The following MRPL21 variants were observed in gnomAD, a reference collection of about 807,000 sequenced individuals.
MRPL21 encodes mitochondrial ribosomal protein L21.
MRPL21 carries 20 observed loss-of-function variants against 27.3 expected under a neutral mutation model. That is an observed-to-expected ratio of 0.73 (90% CI 0.52 to 1.06). MRPL21 has a LOEUF of 1.06. MRPL21 is among the 50% of genes least tolerant of loss of function. The probability of loss-of-function intolerance (pLI) is 0.00; values close to 1 mark genes in which losing one functional copy is unlikely to be tolerated. For synonymous variants in MRPL21, 98 were observed against 101.5 expected, an observed-to-expected ratio of 0.97 and a Z score of 0.21; for missense variants, 249 against 251.4, an observed-to-expected ratio of 0.99 and a Z score of 0.06.
In MRPL21 at chr11:68,900,380, C is replaced by T. The variant is rs1857903911; in HGVS notation, c.146+168G>A. Among the ~76,000 whole-genome samples the T allele has an allele frequency of 2.6e-5, 4 of 152,056 alleles. No individual in the cohort carries two copies. In the South Asian group the frequency reaches 8.3e-4, roughly 32 times the overall value. On this transcript the variant is annotated intron_variant, in intron 2 of 6. Transcript: ENST00000362034. ...GCTGAGGCGGGAGGACCACTTTAGG[C>T]CAGGAGTTCAAAACCAGTCTGGGAA... is the stretch of plus-strand genomic sequence containing the variant.
At chr11:68,896,998 G>C (rs1857808799) in intron 3 of MRPL21, among the ~76,000 whole-genome samples, 1 of 152,184 alleles carries the variant, frequency 6.6e-6, no homozygotes, top group Non-Finnish European at 1.5e-5. Context: ...CGCCTGGCTA[G>C]GTTTCTACAA....
chr11:68,901,130 T>C (rs535267722), intron 1 of MRPL21, among the ~76,000 whole-genome samples: 6 of 152,284 alleles, frequency 3.9e-5, no homozygotes, highest in Non-Finnish European at 5.9e-5. Flanking sequence ...CAGCCCTACC[T>C]AGAGGTCCAC....
chr11:68,900,739 C>T (rs1396373900), intron 1 of MRPL21, 134 bp from the exon 2 acceptor site: 3 of 775,366 alleles, frequency 3.9e-6, no homozygotes, highest in South Asian at 3.1e-5. Context: ...CCCACAGAAA[C>T]ACCTAGGTGA....
chr11:68,893,494 T>G lies in MRPL21; in HGVS notation c.397-39A>C, dbSNP rs118025268. On this transcript the variant is annotated intron_variant, in intron 4 of 6. Coordinates refer to ENST00000362034, the MANE Select transcript of MRPL21 (RefSeq NM_181514.2). ...CAGGTGTGTTTCATCAGTGGCTCAT[T>G]ACGATGAGTAAGAACAGTTGCTAAT... 2.9e-5 allele frequency: 46 copies of G among 1,613,754 alleles called. No homozygotes were observed. In the East Asian group the frequency reaches 4.5e-4, roughly 16 times the overall value.
chr11:68,897,028 C>T (rs1438123219), intron 3 of MRPL21, among the ~76,000 whole-genome samples: 1 of 152,218 alleles, frequency 6.6e-6, no homozygotes, highest in South Asian at 2.1e-4. Flanking sequence ...GGGCGAAACC[C>T]TCCACCTGGT....
intron 1 of MRPL21, among the ~76,000 whole-genome samples, chr11:68,903,413 G>T: frequency 6.6e-6 from 1 of 152,166 alleles, no homozygotes; most frequent in Admixed American, 6.5e-5. Flanking sequence ...GACTGCGCCT[G>T]AAGTACTCTT....
At chr11:68,903,671 G>A in intron 1 of MRPL21, 52 bp downstream of exon 1, 1 of 1,591,212 alleles carries the variant, frequency 6.3e-7, no homozygotes, top group Non-Finnish European at 8.6e-7. Context: ...CGAGACCGCA[G>A]GGAGCAGCGC....
chr11:68,899,437 A>G (rs533236568), intron 2 of MRPL21, among the ~76,000 whole-genome samples: 22 of 152,272 alleles, frequency 1.4e-4, no homozygotes, highest in African/African-American at 5.3e-4. Context: ...GCTCCACACC[A>G]ATCTGGGAGA....
At chr11:68,900,367 G>C (rs1157115125) in intron 2 of MRPL21, among the ~76,000 whole-genome samples, 181 bp downstream of exon 2, 1 of 152,150 alleles carries the variant, frequency 6.6e-6, no homozygotes, top group African/African-American at 2.4e-5. Context: ...TGAGGCGGGA[G>C]GACCACTTTA....
chr11:68,898,177 C>T (rs1857848230), intron 2 of MRPL21, among the ~76,000 whole-genome samples, 165 bp from the exon 3 acceptor site: 1 of 152,208 alleles, frequency 6.6e-6, no homozygotes. Context: ...GGACAGGCTC[C>T]CTGTATCCTT....
At chr11:68,893,715 A>C (rs1018462743) in intron 4 of MRPL21, among the ~76,000 whole-genome samples, 1 of 152,220 alleles carries the variant, frequency 6.6e-6, no homozygotes, top group African/African-American at 2.4e-5. Context: ...TTTGATTATT[A>C]GATACCATGG....
chr11:68,894,695 C>T (rs532635536), intron 4 of MRPL21, among the ~76,000 whole-genome samples: 80 of 152,308 alleles, frequency 5.3e-4, no homozygotes, highest in Non-Finnish European at 7.5e-4. Context: ...ACAAACTCAG[C>T]GGACACGCAT....
At chr11:68,901,714 C>A (rs995095196) in intron 1 of MRPL21, among the ~76,000 whole-genome samples, 4 of 152,284 alleles carry the variant, frequency 2.6e-5, no homozygotes, top group African/African-American at 9.6e-5. Context: ...TTAAACACCC[C>A]CAATGTGCTG....
At position 68,900,575 on chromosome 11, in the gene MRPL21, T is replaced by C. The variant is rs750045430; in HGVS notation, c.119A>G (p.Asn40Ser). 1.9e-6 allele frequency: 3 copies of C among 1,614,026 alleles called. No homozygotes were observed. The highest frequency in any genetic ancestry group is 2.5e-6 in the Non-Finnish European group (3 of 1,179,920). Residue 40 changes from asparagine to serine, a missense_variant, in exon 2 of 7, where the codon AAT becomes AGT. Physicochemically the swap from Asn to Ser is conservative, Grantham distance 46 (BLOSUM62 1). Transcript: ENST00000362034. ...ASLWSASRRF[N>S]SQSTSYLPGY... ...TGGTAGATATGAAGTGCTCTGTGAA[T>C]TGAACCTTCGAGAAGCAGACCAAAG... is the stretch of plus-strand genomic sequence containing the variant.
At position 68,896,568 on chromosome 11, in the gene MRPL21, A is replaced by G. The variant is rs1258857287; in HGVS notation, c.343T>C (p.Leu115=). The G allele has an allele frequency of 6.2e-7, 1 of 1,614,238 alleles. No homozygotes were observed. Among genetic ancestry groups the G allele is most frequent in the East Asian group, 2.2e-5 (1 of 44,890 alleles). The change falls in exon 4 of 7, where the codon TTA becomes CTA. Residue 115 remains leucine, a synonymous_variant. Coordinates refer to ENST00000362034, the MANE Select transcript of MRPL21 (RefSeq NM_181514.2). Reference sequence around the variant, plus strand: ...GCAAGGTCTAGTTCATTTCCAATTAAGATCAGGTCTTCAGAGGTCACCTTC... The same window carrying G: ...GCAAGGTCTAGTTCATTTCCAATTAGGATCAGGTCTTCAGAGGTCACCTTC... ...QWKVTSEDLI[L]IGNELDLACG...
chr11:68,892,592 A>G (rs1594402133), intron 6 of MRPL21: 3 of 1,167,264 alleles, frequency 2.6e-6, no homozygotes. Context: ...AAGGGGAGCG[A>G]GGTGGGGTCA....
At chr11:68,894,529 G>T (rs1017007132) in intron 4 of MRPL21, among the ~76,000 whole-genome samples, 1 of 152,104 alleles carries the variant, frequency 6.6e-6, no homozygotes, top group Non-Finnish European at 1.5e-5. Flanking sequence ...TGATCTGCCC[G>T]CCTCGGCTTC....
chr11:68,891,994 C>A, intron 6 of MRPL21: 1 of 970,514 alleles, frequency 1.0e-6, no homozygotes, highest in South Asian at 2.8e-5. Context: ...TGCGGATTCA[C>A]TGCTGCTTTG....
chr11:68,903,213 T>C (rs984286048), intron 1 of MRPL21, among the ~76,000 whole-genome samples: 1 of 152,212 alleles, frequency 6.6e-6, no homozygotes, highest in Non-Finnish European at 1.5e-5. Context: ...CTCCAACCAT[T>C]TTCAAGCAGA....
Sources: gnomAD v4.1 joint callset for allele counts (sites outside exome capture counted in the v4.1 genomes callset) on GRCh38, gnomAD v4.1.1 for gene constraint, MANE v1.5 for transcripts, NCBI Gene and HGNC (gene_info 2026-07-23, HGNC 2026-07-21) for gene names.